The following GNA12 variants were observed in gnomAD, a reference collection of about 807,000 sequenced individuals.
The protein encoded by GNA12 is G protein subunit alpha 12.
In GNA12, 9 loss-of-function variants were observed where a neutral mutation model predicts 26.0. That is an observed-to-expected ratio of 0.35 (90% CI 0.21 to 0.60). GNA12 has a LOEUF of 0.60. GNA12 is among the 20% of genes least tolerant of loss of function. GNA12 has a pLI of 0.78. For missense variants in GNA12, 405 were observed against 525.8 expected (o/e 0.77, Z 2.25); for synonymous variants, 264 against 219.6 (o/e 1.20, Z -1.79).
chr7:2,759,140 AAAATAAATAAATAAATAAATAAAT>A (rs3074427), intron 2 of GNA12, among the ~76,000 whole-genome samples: 34 of 144,766 alleles, frequency 2.3e-4, no homozygotes, highest in Middle Eastern at 3.5e-3. Flanking sequence ...ACACTGTCTC[AAAATAAATAAATAAATAAATAAAT>A]AAATAAATAA....
At position 2,730,969 on chromosome 7, in the gene GNA12, C is replaced by T. The variant is rs775345957; in HGVS notation, c.*212G>A. Reference sequence around the variant, plus strand: ...CACTCGGATTTTCAGTAGTTTCACTCGCCCCCAGGATTCAGTAGCTAACGT... The same window carrying T: ...CACTCGGATTTTCAGTAGTTTCACTTGCCCCCAGGATTCAGTAGCTAACGT... On this transcript the variant is annotated 3_prime_UTR_variant, in exon 4 of 4. Transcript: ENST00000275364. The T allele has an allele frequency of 1.3e-5, 7 of 532,476 alleles. No homozygotes were observed. The highest frequency in any genetic ancestry group is 5.0e-4 in the Middle Eastern group (1 of 2,018). 33.0% of individuals were successfully genotyped at this position (532,476 alleles called of 1,614,324 possible).
At chr7:2,745,714 C>G (rs1304236149) in intron 2 of GNA12, among the ~76,000 whole-genome samples, 1 of 152,302 alleles carries the variant, frequency 6.6e-6, no homozygotes, top group African/African-American at 2.4e-5. Context: ...AATTAAAAGA[C>G]ACAGACTGGC....
At chr7:2,843,789 C>T (rs1779080128) in intron 1 of GNA12, 64 bp downstream of exon 1, 2 of 905,508 alleles carry the variant, frequency 2.2e-6, no homozygotes, top group South Asian at 4.7e-5. Context: ...ACGGAGGGGC[C>T]CGGGGCGGGG....
intron 1 of GNA12, among the ~76,000 whole-genome samples, chr7:2,837,840 T>TA (rs34262163): frequency 0.036 from 5,043 of 140,360 alleles, 290 homozygotes; most frequent in African/African-American, 0.12. Flanking sequence ...GAATAGGTAA[T>TA]AAAAAAAAAA....
chr7:2,798,418 T>C (rs745576719), intron 1 of GNA12, among the ~76,000 whole-genome samples: 1 of 152,204 alleles, frequency 6.6e-6, no homozygotes, highest in African/African-American at 2.4e-5. Flanking sequence ...AAATGAAAGA[T>C]GTACTACTAC....
chr7:2,789,141 T>TTAC (rs1432626417), intron 2 of GNA12, among the ~76,000 whole-genome samples: 6 of 108,840 alleles, frequency 5.5e-5, no homozygotes, highest in African/African-American at 1.1e-4. Context: ...TCTTTTTTTT[T>TTAC]TTTTTTTTTT....
At chr7:2,779,914 G>A (rs971669736) in intron 2 of GNA12, among the ~76,000 whole-genome samples, 5 of 151,508 alleles carry the variant, frequency 3.3e-5, no homozygotes, top group African/African-American at 1.2e-4. Flanking sequence ...ACATGTTTTG[G>A]CCACAGTTAA....
chr7:2,757,861 AT>A (rs1286550112), intron 2 of GNA12, among the ~76,000 whole-genome samples: 1 of 152,180 alleles, frequency 6.6e-6, no homozygotes, highest in East Asian at 1.9e-4. Context: ...GACTTTTTAA[AT>A]GGCAGCTTAA....
intron 1 of GNA12, among the ~76,000 whole-genome samples, chr7:2,818,069 T>C (rs1328632618): frequency 2.6e-5 from 4 of 152,186 alleles, no homozygotes; most frequent in African/African-American, 9.7e-5. Flanking sequence ...CGTATTAAAA[T>C]TAATTCAATG....
At chr7:2,748,712 C>A (rs1363830478) in intron 2 of GNA12, among the ~76,000 whole-genome samples, 4 of 152,132 alleles carry the variant, frequency 2.6e-5, no homozygotes, top group African/African-American at 4.8e-5. Context: ...CTACCATCAG[C>A]ATGAACAGGC....
intron 2 of GNA12, among the ~76,000 whole-genome samples, chr7:2,765,824 T>G (rs1791783686): frequency 6.6e-6 from 1 of 151,482 alleles, no homozygotes; most frequent in East Asian, 2.0e-4. Context: ...GAGATGGGGA[T>G]TTCACCATGT....
chr7:2,840,031 T>G (rs150629743), intron 1 of GNA12, among the ~76,000 whole-genome samples: 1 of 152,142 alleles, frequency 6.6e-6, no homozygotes, highest in Admixed American at 6.5e-5. Flanking sequence ...ACTGCCAGGG[T>G]CTGGGACAGG....
intron 1 of GNA12, among the ~76,000 whole-genome samples, chr7:2,842,243 T>G (rs1779018439): frequency 6.6e-6 from 1 of 152,132 alleles, no homozygotes; most frequent in Admixed American, 6.6e-5. Flanking sequence ...TTCCTCCAGA[T>G]CTTCCTTGAG....
chr7:2,752,956 C>G lies in GNA12; in HGVS notation c.526-19455G>C, dbSNP rs77649253. Among the ~76,000 whole-genome samples, 813 of 152,284 alleles carry G rather than the reference C, an allele frequency of 5.3e-3. 7 individuals are homozygous for G. Among genetic ancestry groups the G allele is most frequent in the African/African-American group, 0.018 (736 of 41,554 alleles). On this transcript the variant is annotated intron_variant, in intron 2 of 3. Transcript: ENST00000275364. ...TAACCACCACTGCAATCAAGAGACA[C>G]AACTGTCCCACCACAACGGTCTCCC...
chr7:2,804,580 A>G (rs544220408), intron 1 of GNA12, among the ~76,000 whole-genome samples: 17 of 152,306 alleles, frequency 1.1e-4, no homozygotes, highest in South Asian at 4.1e-4. Flanking sequence ...TGAAAAACTG[A>G]TAAGAGTGCA....
intron 2 of GNA12, among the ~76,000 whole-genome samples, chr7:2,752,795 G>C (rs1461955742): frequency 6.6e-6 from 1 of 152,174 alleles, no homozygotes; most frequent in East Asian, 1.9e-4. Flanking sequence ...GCCTAGAGAG[G>C]TATAGGTGGA....
chr7:2,737,929 T>C (rs1202453337), intron 2 of GNA12, among the ~76,000 whole-genome samples: 1 of 152,174 alleles, frequency 6.6e-6, no homozygotes, highest in Non-Finnish European at 1.5e-5. Flanking sequence ...AAAGAAATCC[T>C]CATTTTGAAC....
At chr7:2,815,088 A>G (rs1348017498) in intron 1 of GNA12, 4 of 1,258,526 alleles carry the variant, frequency 3.2e-6, no homozygotes, top group Non-Finnish European at 3.2e-6. Flanking sequence ...ACAACAGAGA[A>G]CCAGACAGAC....
At chr7:2,824,188 C>G (rs1031831616) in intron 1 of GNA12, among the ~76,000 whole-genome samples, 11 of 152,222 alleles carry the variant, frequency 7.2e-5, no homozygotes, top group Non-Finnish European at 1.5e-4. Flanking sequence ...TCACTGCCCC[C>G]ACGTCCACCT....
Sources: allele counts gnomAD v4.1 joint callset (sites outside exome capture counted in the v4.1 genomes callset), GRCh38; gene constraint gnomAD v4.1.1; transcripts MANE v1.5; gene names NCBI Gene and HGNC (gene_info 2026-07-23, HGNC 2026-07-21).